Variants in NEB observed in about 807,000 individuals in gnomAD.
NEB encodes nebulin.
Under a neutral mutation model 952.2 loss-of-function variants are expected in NEB, and 512 were observed. That is an observed-to-expected ratio of 0.54 (90% CI 0.50 to 0.58). NEB has a LOEUF of 0.58. Among genes scored for constraint, NEB ranks in the 20% least tolerant of loss-of-function variants. The probability of loss-of-function intolerance (pLI) is 0.00; values close to 1 mark genes in which losing one functional copy is unlikely to be tolerated. For synonymous variants in NEB, 2,900 were observed against 3,149.8 expected (o/e 0.92, Z 2.66); for missense variants, 8,428 against 9,231.1 (o/e 0.91, Z 3.56).
At chr2:151,576,396 T>C (rs1002722710) in intron 105 of NEB, 42 bp from the exon 106 acceptor site, 9 of 1,497,638 alleles carry the variant, frequency 6.0e-6, no homozygotes, top group Non-Finnish European at 8.2e-6. Flanking sequence ...TTGTGTTTTG[T>C]TGTGTATGTG....
intron 76 of NEB, among the ~76,000 whole-genome samples, chr2:151,615,601 T>C (rs944825894): frequency 6.6e-6 from 1 of 152,088 alleles, no homozygotes; most frequent in Non-Finnish European, 1.5e-5. Context: ...TAAGGAAGAG[T>C]TTACATGTAT....
At chr2:151,668,989 C>A in intron 39 of NEB, 38 bp downstream of exon 39, 1 of 1,415,230 alleles carries the variant, frequency 7.1e-7, no homozygotes. Context: ...AAAGGAGAGG[C>A]CCGCATACGC....
intron 40 of NEB, among the ~76,000 whole-genome samples, chr2:151,666,929 G>C (rs2099226267): frequency 6.6e-6 from 1 of 151,824 alleles, no homozygotes; most frequent in Non-Finnish European, 1.5e-5. Flanking sequence ...ATTTGTATGA[G>C]TAAATTTCAG....
At chr2:151,657,453 G>A (rs763129065) in intron 48 of NEB, among the ~76,000 whole-genome samples, 13 of 152,128 alleles carry the variant, frequency 8.5e-5, no homozygotes, top group South Asian at 4.1e-4. Flanking sequence ...GCCGGCCAGC[G>A]CAGGGAAAGC....
intron 29 of NEB, 147 bp from the exon 30 acceptor site, chr2:151,680,975 T>A: frequency 1.4e-6 from 1 of 692,094 alleles, no homozygotes; most frequent in Non-Finnish European, 2.5e-6. Flanking sequence ...ATTGGCTTGA[T>A]GAATGCAATA....
Position 151,672,061 on chromosome 2 carries a change from A to T in NEB, c.4299+308T>A, listed in dbSNP as rs577563614. On this transcript the variant is annotated intron_variant, in intron 37 of 181. Transcript: ENST00000397345. The stretch of plus-strand genomic sequence containing the variant: ...ATTTTTGCATTTTGTATCTATCACC[A>T]TTGCAGCCAACCCATCAGGAATACC... Among the ~76,000 whole-genome samples, 162 of 152,166 alleles carry T rather than the reference A, an allele frequency of 1.1e-3. 2 individuals carry two copies. The highest frequency in any genetic ancestry group is 3.4e-3 in the African/African-American group (140 of 41,520).
chr2:151,611,072 T>C (rs2097935737), intron 78 of NEB, among the ~76,000 whole-genome samples: 1 of 152,226 alleles, frequency 6.6e-6, no homozygotes, highest in Admixed American at 6.5e-5. Flanking sequence ...TGTACAATGG[T>C]TTCATAATTA....
At chr2:151,641,929 C>T (rs927824507) in intron 60 of NEB, among the ~76,000 whole-genome samples, 2 of 152,140 alleles carry the variant, frequency 1.3e-5, no homozygotes, top group African/African-American at 4.8e-5. Flanking sequence ...TGATCATTTA[C>T]GTTAGGTATA....
At chr2:151,619,784 A>G (rs1482361248) in intron 72 of NEB, 22 bp from the exon 73 acceptor site, 1 of 1,588,108 alleles carries the variant, frequency 6.3e-7, no homozygotes, top group Non-Finnish European at 8.6e-7. Context: ...AATCCAGTAA[A>G]TAAGAAGGAA....
At chr2:151,663,359 G>T (rs2099168336) in intron 45 of NEB, among the ~76,000 whole-genome samples, 189 bp downstream of exon 45, 1 of 152,132 alleles carries the variant, frequency 6.6e-6, no homozygotes, top group Non-Finnish European at 1.5e-5. Context: ...TAGAAAACAA[G>T]ACTTTAGTTT....
chr2:151,540,913 G>A, intron 136 of NEB, 112 bp from the exon 137 acceptor site: 2 of 852,198 alleles, frequency 2.3e-6, no homozygotes, highest in Non-Finnish European at 3.9e-6. Flanking sequence ...TCTGCTTACT[G>A]TCCTGATGTT....
chr2:151,563,727 G>A lies in NEB; in HGVS notation c.18580-8C>T, dbSNP rs199894970. ...TGTCTCTTTGTATTTAAGCTGTAAA[G>A]TGGGTTAAACATTGAGAATCGCTGG... is the stretch of plus-strand genomic sequence containing the variant. On this transcript the variant is annotated splice_region_variant and splice_polypyrimidine_tract_variant and intron_variant, in intron 118 of 181. Coordinates refer to ENST00000397345, the MANE Select transcript of NEB (RefSeq NM_001164508.2). The A allele has an allele frequency of 1.5e-5, 24 of 1,611,878 alleles. No individual in the cohort carries two copies. Among genetic ancestry groups the A allele is most frequent in the Non-Finnish European group, 2.0e-5 (24 of 1,178,000 alleles).
rs1435056591 is a variant in NEB at position 151,494,269 on chromosome 2, G to T, written c.24487-16C>A. On this transcript the variant is annotated splice_polypyrimidine_tract_variant and intron_variant, in intron 173 of 181. Transcript: ENST00000397345. ...TGTACAAAACCTATGGGAATCCAAT[G>T]GGTCCAAAAAGCCAAAAAGAAAAAG... 3.2e-6 allele frequency: 5 copies of T among 1,546,704 alleles called. No individual in the cohort carries two copies. In the East Asian group the frequency reaches 6.8e-5, roughly 21 times the overall value.
In NEB at chr2:151,563,657, A is replaced by C. The variant is rs745925059; in HGVS notation, c.18642T>G (p.Gly6214=). The change falls in exon 119 of 182, where the codon GGT becomes GGG. Residue 6214 remains glycine (G), a synonymous_variant. Coordinates refer to ENST00000397345, the MANE Select transcript of NEB (RefSeq NM_001164508.2). ...KGHYLAGKVI[G]EFPGVVHCLD... The stretch of plus-strand genomic sequence containing the variant: ...GACAGTGAACCACACCAGGGAATTC[A>C]CCGATCACTTTTCCAGCCAGGTAGT... 1.2e-6 allele frequency: 2 copies of C among 1,613,866 alleles called. No individual in the cohort carries two copies. Among genetic ancestry groups the C allele is most frequent in the Non-Finnish European group, 8.5e-7 (1 of 1,179,780 alleles).
In NEB at chr2:151,680,741, G is replaced by T; in HGVS notation, c.3031C>A (p.Gln1011Lys). The T allele has an allele frequency of 1.9e-6, 3 of 1,599,494 alleles. No individual in the cohort carries two copies. Among genetic ancestry groups the T allele is most frequent in the Non-Finnish European group, 2.6e-6 (3 of 1,167,268 alleles). Residue 1011 changes from glutamine to lysine, a missense_variant, in exon 30 of 182, where the codon CAG (glutamine) becomes AAG (lysine). Physicochemically the swap from Gln to Lys is moderately conservative, Grantham distance 53. This residue lies in a region of NEB where 2,851 missense variants were observed against 2,791.5 expected (regional missense o/e 1.02). Coordinates refer to ENST00000397345, the MANE Select transcript of NEB (RefSeq NM_001164508.2). ...ITVQSKINQA[Q>K]RSDIAYKAKG... ...GCATTAACACTTACATCACTCCTCT[G>T]GGCCTGGTTAATTTTAGACTGTACT...
Position 151,680,679 on chromosome 2 carries a change from G to C in NEB, c.3042+51C>G. The C allele has an allele frequency of 2.4e-6, 3 of 1,268,108 alleles. No individual in the cohort carries two copies. In the Admixed American group the frequency reaches 5.7e-5, roughly 24 times the overall value. 78.6% of individuals were successfully genotyped at this position (1,268,108 alleles called of 1,614,324 possible). A position where few individuals can be genotyped will look rare whatever the true frequency, so the allele number is the denominator to read the frequency against. ...TGATCAGTACATTTGAAATACAAATGTATTTGTATTAGTTAACATCTATTA... is the reference window on the plus strand; with the variant it reads ...TGATCAGTACATTTGAAATACAAATCTATTTGTATTAGTTAACATCTATTA... On this transcript the variant is annotated intron_variant, in intron 30 of 181. Coordinates refer to ENST00000397345, the MANE Select transcript of NEB (RefSeq NM_001164508.2).
At chr2:151,544,078 G>A (rs1000293465) in intron 135 of NEB, among the ~76,000 whole-genome samples, 3 of 152,118 alleles carry the variant, frequency 2.0e-5, no homozygotes, top group African/African-American at 4.8e-5. Context: ...CTAAATTCAG[G>A]GGAGTGGCTT....
At chr2:151,683,248 T>C (rs769030113) in intron 28 of NEB, among the ~76,000 whole-genome samples, 2 of 152,214 alleles carry the variant, frequency 1.3e-5, no homozygotes, top group Non-Finnish European at 2.9e-5. Flanking sequence ...TGGCCCTTCA[T>C]GTGTACTGGT....
chr2:151,707,741 C>A (rs1404288450), intron 12 of NEB, among the ~76,000 whole-genome samples: 2 of 152,052 alleles, frequency 1.3e-5, no homozygotes, highest in Non-Finnish European at 2.9e-5. Context: ...TTTATTCAGG[C>A]AATATAAGCA....
Sources: allele counts gnomAD v4.1 joint callset (sites outside exome capture counted in the v4.1 genomes callset), GRCh38; gene constraint gnomAD v4.1.1; regional missense constraint gnomAD v4.1.1; transcripts MANE v1.5; gene names NCBI Gene and HGNC (gene_info 2026-07-23, HGNC 2026-07-21).